Variants in NCKAP5 observed in about 807,000 individuals in gnomAD.
NCKAP5 encodes nck-associated protein 5.
NCKAP5 carries 92 observed loss-of-function variants against 167.0 expected under a neutral mutation model. The observed-to-expected ratio is 0.55, with a 90% confidence interval of 0.47 to 0.66. The LOEUF (loss-of-function observed/expected upper bound fraction) is 0.66. Ranked by LOEUF, NCKAP5 falls within the 30% of genes least tolerant of loss-of-function variation. The probability of loss-of-function intolerance (pLI) is 0.00; values close to 1 mark genes in which losing one functional copy is unlikely to be tolerated. For synonymous variants in NCKAP5, 891 were observed against 877.4 expected (o/e 1.02, Z -0.27); for missense variants, 2,378 against 2,315.0 (o/e 1.03, Z -0.56).
chr2:132,784,112 G>A lies in NCKAP5; in HGVS notation c.2699C>T (p.Ala900Val). 1 of 1,521,024 alleles carries A rather than the reference G, an allele frequency of 6.6e-7. No homozygotes were observed. The allele number at this position is 1,521,024 out of a possible 1,614,324, so 94.2% of individuals were successfully genotyped here. ...CTCTCCACTGTCACTAGACTCAATG[G>A]CAGGCCTTGACCGTGACCCTGGAGT... ...SQTPGSRSRP[A>V]IESSDSGEPP... is the part of the protein sequence containing the mutation. Residue 900 changes from alanine to valine, a missense_variant, in exon 14 of 20, where the codon GCC (alanine) becomes GTC (valine). Transcript: ENST00000409261.
intron 8 of NCKAP5, among the ~76,000 whole-genome samples, chr2:132,913,800 G>A (rs1413066094): frequency 6.6e-6 from 1 of 152,046 alleles, no homozygotes; most frequent in Non-Finnish European, 1.5e-5. Flanking sequence ...ACAAAGAACA[G>A]GGCTCATATT....
At chr2:133,449,970 G>A (rs1355322057) in intron 3 of NCKAP5, among the ~76,000 whole-genome samples, 3 of 151,784 alleles carry the variant, frequency 2.0e-5, no homozygotes, top group South Asian at 2.1e-4. Flanking sequence ...CAACTCCCAC[G>A]GGACTCACCA....
chr2:133,664,595 G>T, the NCKAP5 span, among the ~76,000 whole-genome samples: 1 of 152,330 alleles, frequency 6.6e-6, no homozygotes, highest in Non-Finnish European at 1.5e-5. Flanking sequence ...CACCTCCTGG[G>T]TTCAAGCAAT....
intron 3 of NCKAP5, among the ~76,000 whole-genome samples, chr2:133,422,728 A>G (rs188469483): frequency 2.6e-5 from 4 of 152,306 alleles, no homozygotes; most frequent in Admixed American, 2.6e-4. Context: ...ATAGAGATAG[A>G]TATGCAGAAC....
chr2:132,862,494 C>A (rs1689989195), intron 10 of NCKAP5, among the ~76,000 whole-genome samples: 1 of 152,182 alleles, frequency 6.6e-6, no homozygotes, highest in South Asian at 2.1e-4. Context: ...ACATTTTGTA[C>A]TCATGAGCAC....
intron 3 of NCKAP5, among the ~76,000 whole-genome samples, chr2:133,445,327 C>T (rs1330953016): frequency 6.6e-6 from 1 of 152,072 alleles, no homozygotes; most frequent in Non-Finnish European, 1.5e-5. Context: ...AAATAAAATC[C>T]AAAGCAACTA....
At chr2:133,525,640 C>T (rs749243391) in intron 2 of NCKAP5, among the ~76,000 whole-genome samples, 2 of 152,192 alleles carry the variant, frequency 1.3e-5, no homozygotes, top group Admixed American at 6.5e-5. Context: ...AGATATAATT[C>T]GTATATCATA....
chr2:133,474,142 A>ATCTATCTATCTG (rs1365580421), intron 3 of NCKAP5, among the ~76,000 whole-genome samples: 1 of 146,720 alleles, frequency 6.8e-6, no homozygotes, highest in Non-Finnish European at 1.5e-5. Context: ...CTATCTATCT[A>ATCTATCTATCTG]TCTATCTATC....
intron 3 of NCKAP5, among the ~76,000 whole-genome samples, chr2:133,425,077 G>C (rs767806300): frequency 1.3e-5 from 2 of 152,166 alleles, no homozygotes; most frequent in Non-Finnish European, 2.9e-5. Flanking sequence ...TGGATGCCAG[G>C]GCCCACTTCA....
In NCKAP5 at chr2:132,780,702, T is replaced by A. The variant is rs541860731; in HGVS notation, c.5049+350A>T. Reference sequence around the variant, plus strand: ...ATGTTCATTCCTTTTTGGTGGCAGGTGATGTTAGAAATAATCATCAAAACA... The same window carrying A: ...ATGTTCATTCCTTTTTGGTGGCAGGAGATGTTAGAAATAATCATCAAAACA... On this transcript the variant is annotated intron_variant, in intron 15 of 19. Coordinates refer to ENST00000409261, the MANE Select transcript of NCKAP5 (RefSeq NM_207363.3). Among the ~76,000 whole-genome samples the A allele has an allele frequency of 6.2e-4, 95 of 152,302 alleles. 1 individual carries two copies. Among genetic ancestry groups the A allele is most frequent in the Admixed American group, 4.8e-3 (73 of 15,298 alleles).
chr2:133,437,924 T>C (rs1690595381), intron 3 of NCKAP5, among the ~76,000 whole-genome samples: 1 of 149,624 alleles, frequency 6.7e-6, no homozygotes. Flanking sequence ...ATTTTATCTA[T>C]TTTACTTGTT....
intron 5 of NCKAP5, among the ~76,000 whole-genome samples, chr2:133,185,486 T>C (rs1172659947): frequency 2.6e-5 from 4 of 152,048 alleles, no homozygotes; most frequent in African/African-American, 4.8e-5. Flanking sequence ...AGTTTTTTTT[T>C]CTATTTCTGT....
At chr2:132,740,222 C>G (rs1225437475) in intron 16 of NCKAP5, among the ~76,000 whole-genome samples, 2 of 152,164 alleles carry the variant, frequency 1.3e-5, no homozygotes, top group Non-Finnish European at 2.9e-5. Context: ...CAACATAATT[C>G]AGTCAGAAAG....
At chr2:132,808,114 T>A (rs746200647) in intron 11 of NCKAP5, among the ~76,000 whole-genome samples, 1 of 152,142 alleles carries the variant, frequency 6.6e-6, no homozygotes, top group Non-Finnish European at 1.5e-5. Context: ...ACCCACTTGA[T>A]CATGGTGGTT....
At chr2:133,319,330 A>G (rs929991305) in intron 3 of NCKAP5, among the ~76,000 whole-genome samples, 5 of 152,182 alleles carry the variant, frequency 3.3e-5, no homozygotes, top group African/African-American at 1.2e-4. Context: ...GTTTAATTAA[A>G]ATAATGCAAA....
At chr2:133,614,747 T>A in the NCKAP5 span, among the ~76,000 whole-genome samples, 1 of 152,052 alleles carries the variant, frequency 6.6e-6, no homozygotes, top group Non-Finnish European at 1.5e-5. Flanking sequence ...CCAGGAGAAC[T>A]TCCCCAATCT....
intron 3 of NCKAP5, among the ~76,000 whole-genome samples, chr2:133,494,654 C>T (rs962083284): frequency 1.3e-5 from 2 of 152,072 alleles, no homozygotes; most frequent in Non-Finnish European, 1.5e-5. Flanking sequence ...CTATGGAAAT[C>T]GGGTACAACT....
At chr2:132,951,112 G>A (rs901493306) in intron 8 of NCKAP5, among the ~76,000 whole-genome samples, 1 of 152,166 alleles carries the variant, frequency 6.6e-6, no homozygotes, top group Non-Finnish European at 1.5e-5. Flanking sequence ...TTGAGATGCT[G>A]TTCTCTCAAA....
At chr2:133,347,232 A>G (rs998388018) in intron 3 of NCKAP5, among the ~76,000 whole-genome samples, 2 of 152,122 alleles carry the variant, frequency 1.3e-5, no homozygotes, top group Non-Finnish European at 2.9e-5. Context: ...AAAACTTTCA[A>G]AATTGTGTGG....
Sources: allele counts gnomAD v4.1 joint callset (sites outside exome capture counted in the v4.1 genomes callset), GRCh38; gene constraint gnomAD v4.1.1; transcripts MANE v1.5; gene names NCBI Gene and HGNC (gene_info 2026-07-23, HGNC 2026-07-21).